The following SIAH2 variants were observed in gnomAD, a reference collection of about 807,000 sequenced individuals.
The protein encoded by SIAH2 is siah E3 ubiquitin protein ligase 2.
A neutral mutation model predicts 20.4 loss-of-function variants in SIAH2; 4 were observed. The observed-to-expected ratio is 0.20, with a 90% CI of 0.10 to 0.45. The LOEUF (loss-of-function observed/expected upper bound fraction) is 0.45, where lower values mean the gene tolerates loss of function less well. Among genes scored for constraint, SIAH2 ranks in the 20% least tolerant of loss-of-function variants. SIAH2 has a pLI of 0.99. For missense variants in SIAH2, 259 were observed against 440.3 expected (o/e 0.59, Z 3.69); for synonymous variants, 171 against 192.5 (o/e 0.89, Z 0.93).
intron 1 of SIAH2, among the ~76,000 whole-genome samples, chr3:150,745,170 G>A (rs1254690039): frequency 2.0e-5 from 3 of 151,586 alleles, no homozygotes; most frequent in Non-Finnish European, 2.9e-5. Context: ...TTTCCATCAT[G>A]GGTAAGGTTC....
rs1030914330 is a variant in SIAH2, at chr3:150,762,356, G to C, written c.417+77C>G. On this transcript the variant is annotated intron_variant, in intron 1 of 1. Transcript: ENST00000312960. The surrounding 1 kb of genome is among the most constrained non-coding windows in gnomAD (Gnocchi z 6.6). Reference sequence around the variant, plus strand: ...AATGAGAGATGCCGCCCGCCTCTCCGGGCCTGCGAGTGGGCTGGCGGATAC... The same window carrying C: ...AATGAGAGATGCCGCCCGCCTCTCCCGGCCTGCGAGTGGGCTGGCGGATAC... 73 of 1,514,920 alleles carry C rather than the reference G, an allele frequency of 4.8e-5. No homozygotes were observed. The highest frequency in any genetic ancestry group is 5.8e-5 in the Non-Finnish European group (66 of 1,135,152). 93.8% of individuals were successfully genotyped at this position (1,514,920 alleles called of 1,614,324 possible).
chr3:150,761,230 G>A (rs1380527894), intron 1 of SIAH2, among the ~76,000 whole-genome samples: 1 of 152,226 alleles, frequency 6.6e-6, no homozygotes, highest in African/African-American at 2.4e-5. Flanking sequence ...AAACTGGAAA[G>A]TATTAGTGAC....
At chr3:150,757,628 G>A (rs1714512461) in intron 1 of SIAH2, among the ~76,000 whole-genome samples, 1 of 152,028 alleles carries the variant, frequency 6.6e-6, no homozygotes, top group African/African-American at 2.4e-5. Flanking sequence ...GTCTGCAAGT[G>A]GTGGTTATAC....
intron 1 of SIAH2, among the ~76,000 whole-genome samples, chr3:150,744,577 A>G (rs761763603): frequency 6.6e-5 from 10 of 152,180 alleles, no homozygotes; most frequent in African/African-American, 1.2e-4. Flanking sequence ...GAGCCTCCTC[A>G]TGTTCTTCTG....
At chr3:150,745,121 C>T (rs1355747881) in intron 1 of SIAH2, among the ~76,000 whole-genome samples, 2 of 152,050 alleles carry the variant, frequency 1.3e-5, no homozygotes, top group African/African-American at 2.4e-5. Flanking sequence ...TCTGCTTTTA[C>T]TGAACAAGCA....
chr3:150,747,964 CAAAA>C (rs58478348), intron 1 of SIAH2, among the ~76,000 whole-genome samples: 2 of 56,696 alleles, frequency 3.5e-5, no homozygotes, highest in Non-Finnish European at 3.8e-5. Flanking sequence ...AACGCCATCT[CAAAA>C]AAAAAAAAAA....
chr3:150,756,684 T>C (rs558730335), intron 1 of SIAH2, among the ~76,000 whole-genome samples: 6 of 152,222 alleles, frequency 3.9e-5, no homozygotes, highest in Non-Finnish European at 8.8e-5. Context: ...CAGTTATGTG[T>C]GGAATTACCA....
At chr3:150,753,079 C>A (rs1346127845) in intron 1 of SIAH2, among the ~76,000 whole-genome samples, 3 of 152,198 alleles carry the variant, frequency 2.0e-5, no homozygotes, top group Non-Finnish European at 4.4e-5. Flanking sequence ...ACAGGCAAAC[C>A]GCTGCGCACC....
At chr3:150,748,605 C>T (rs926085809) in intron 1 of SIAH2, among the ~76,000 whole-genome samples, 7 of 152,216 alleles carry the variant, frequency 4.6e-5, no homozygotes, top group South Asian at 4.1e-4. Context: ...GACCGGCTTA[C>T]GTCCTAGGAA....
chr3:150,754,785 T>G (rs1714447967), intron 1 of SIAH2, among the ~76,000 whole-genome samples: 1 of 152,104 alleles, frequency 6.6e-6, no homozygotes, highest in Non-Finnish European at 1.5e-5. Context: ...TAATTTAAAA[T>G]GCTGCTTAAT....
intron 1 of SIAH2, among the ~76,000 whole-genome samples, chr3:150,756,205 C>T (rs540905393): frequency 1.3e-5 from 2 of 152,290 alleles, no homozygotes; most frequent in Admixed American, 1.3e-4. Context: ...GGAAGACTTT[C>T]TTATTTTCCT....
At chr3:150,749,946 G>A (rs1221201565) in intron 1 of SIAH2, among the ~76,000 whole-genome samples, 1 of 152,150 alleles carries the variant, frequency 6.6e-6, no homozygotes, top group Non-Finnish European at 1.5e-5. Context: ...TGAAAGATGA[G>A]CTCCAGGAAT....
rs759314967 is a variant in SIAH2 at position 150,742,145 on chromosome 3, G to A, written c.971C>T (p.Pro324Leu). 5 of 1,606,700 alleles carry A rather than the reference G, an allele frequency of 3.1e-6. No individual in the cohort carries two copies. Among genetic ancestry groups the A allele is most frequent in the East Asian group, 2.2e-5 (1 of 44,732 alleles). Residue 324 changes from proline (P) to leucine (L), a missense_variant, in exon 2 of 2, where the codon CCA (proline) becomes CTA (leucine). By Grantham distance (98) the Pro-to-Leu change is moderately conservative. Transcript: ENST00000312960. This position sits in a 1 kb window ranked among gnomAD's most constrained non-coding sequence, Gnocchi z 4.8. ...GINVTISTCC[P>L] ...TGAAGGTTTACGAAAGTCACATCAT[G>A]GACAACATGTAGAAATAGTAACATT...
At chr3:150,745,333 G>A (rs1482601650) in intron 1 of SIAH2, among the ~76,000 whole-genome samples, 1 of 151,702 alleles carries the variant, frequency 6.6e-6, no homozygotes, top group Non-Finnish European at 1.5e-5. Flanking sequence ...GCATGTCAGA[G>A]CACCATGGGT....
intron 1 of SIAH2, among the ~76,000 whole-genome samples, chr3:150,761,458 TG>T (rs1455645149): frequency 6.6e-6 from 1 of 152,200 alleles, no homozygotes; most frequent in Non-Finnish European, 1.5e-5. Flanking sequence ...TGTGATAATA[TG>T]AATTTAAGAA....
At chr3:150,760,031 G>C (rs572363514) in intron 1 of SIAH2, among the ~76,000 whole-genome samples, 1 of 152,216 alleles carries the variant, frequency 6.6e-6, no homozygotes, top group African/African-American at 2.4e-5. Flanking sequence ...GCCTCAAACT[G>C]TAGGCCAAAG....
chr3:150,762,109 T>C lies in SIAH2; in HGVS notation c.417+324A>G, dbSNP rs1714628011. On this transcript the variant is annotated intron_variant, in intron 1 of 1. Coordinates refer to ENST00000312960, the MANE Select transcript of SIAH2 (RefSeq NM_005067.7). The surrounding 1 kb of genome is among the most constrained non-coding windows in gnomAD (Gnocchi z 6.6). ...GTCAGTTTCTCGGTCCAAGTTTTAC[T>C]GGTGCGGCCCAGCCCTACCGAGAGT... is the stretch of plus-strand genomic sequence containing the variant. 3 of 321,212 alleles carry C rather than the reference T, an allele frequency of 9.3e-6. No homozygotes were observed. Among genetic ancestry groups the C allele is most frequent in the South Asian group, 5.9e-5 (2 of 33,806 alleles). 19.9% of individuals were successfully genotyped at this position (321,212 alleles called of 1,614,324 possible).
At position 150,742,747 on chromosome 3, in the gene SIAH2, A is replaced by G. The variant is rs775886677; in HGVS notation, c.418-49T>C. 23 of 1,471,868 alleles carry G rather than the reference A, an allele frequency of 1.6e-5. No homozygotes were observed. The highest frequency in any genetic ancestry group is 8.2e-5 in the South Asian group (6 of 72,820). 91.2% of individuals were successfully genotyped at this position (1,471,868 alleles called of 1,614,324 possible). On this transcript the variant is annotated intron_variant, in intron 1 of 1. Transcript: ENST00000312960. This position sits in a 1 kb window ranked among gnomAD's most constrained non-coding sequence, Gnocchi z 4.8. Reference sequence around the variant, plus strand: ...GCCATTGGGCCTTCTCAAAACTTCTATTGCTTCAACCCTCTATGAGTACTT... The same window carrying G: ...GCCATTGGGCCTTCTCAAAACTTCTGTTGCTTCAACCCTCTATGAGTACTT...
At position 150,762,380 on chromosome 3, in the gene SIAH2, A is replaced by C; in HGVS notation, c.417+53T>G. 10 of 1,560,912 alleles carry C rather than the reference A, an allele frequency of 6.4e-6. No homozygotes were observed. The highest frequency in any genetic ancestry group is 1.4e-5 in the African/African-American group (1 of 72,710). ...CGGGCCTGCGAGTGGGCTGGCGGAT[A>C]CCGGAGTCCCTGAGGTCACCGGCGG... On this transcript the variant is annotated intron_variant, in intron 1 of 1. Transcript: ENST00000312960. This position sits in a 1 kb window ranked among gnomAD's most constrained non-coding sequence, Gnocchi z 6.6.
Sources: gnomAD v4.1 joint callset for allele counts (sites outside exome capture counted in the v4.1 genomes callset) on GRCh38, gnomAD v4.1.1 for gene constraint, Gnocchi (gnomAD v3.1) non-coding constraint, MANE v1.5 for transcripts, NCBI Gene and HGNC (gene_info 2026-07-23, HGNC 2026-07-21) for gene names.